Variants in NELL1 observed in about 807,000 individuals in gnomAD.
The protein encoded by NELL1 is protein kinase C-binding protein NELL1.
Under a neutral mutation model 107.4 loss-of-function variants are expected in NELL1, and 76 were observed. The ratio of observed to expected loss-of-function variants is 0.71; its 90% CI spans 0.59 to 0.86. The LOEUF is 0.86. Among genes scored for constraint, NELL1 ranks in the 40% least tolerant of loss-of-function variants. The pLI, the probability that NELL1 is intolerant of heterozygous loss-of-function variation, is 0.00. For missense variants in NELL1, 1,024 were observed against 1,005.5 expected (o/e 1.02, Z -0.25); for synonymous variants, 353 against 341.2 (o/e 1.03, Z -0.38).
intron 2 of NELL1, among the ~76,000 whole-genome samples, chr11:20,709,298 T>C (rs1715280): frequency 0.4 from 60,326 of 151,804 alleles, 13,926 homozygotes; most frequent in African/African-American, 0.64. Flanking sequence ...AATAGGGTAT[T>C]CTTTCCCTAC....
chr11:21,235,200 G>A (rs938823729), intron 14 of NELL1, among the ~76,000 whole-genome samples: 5 of 152,204 alleles, frequency 3.3e-5, no homozygotes, highest in African/African-American at 1.2e-4. Context: ...TGAGGGGCAA[G>A]ACTGTCTGAT....
At chr11:21,144,543 C>G (rs1296086452) in intron 13 of NELL1, among the ~76,000 whole-genome samples, 1 of 152,116 alleles carries the variant, frequency 6.6e-6, no homozygotes, top group East Asian at 1.9e-4. Context: ...TTAGCAGGAG[C>G]ACCCTATCTT....
intron 12 of NELL1, among the ~76,000 whole-genome samples, chr11:21,077,379 G>A (rs1040699809): frequency 1.3e-5 from 2 of 152,116 alleles, no homozygotes; most frequent in African/African-American, 4.8e-5. Context: ...GCCATAAAAA[G>A]TCAATAATCT....
At chr11:21,118,705 A>G (rs1357541480) in intron 13 of NELL1, among the ~76,000 whole-genome samples, 2 of 152,040 alleles carry the variant, frequency 1.3e-5, no homozygotes, top group Non-Finnish European at 2.9e-5. Flanking sequence ...CTTATTTCCA[A>G]AGACCATTCT....
At chr11:21,090,530 T>C (rs936595176) in intron 12 of NELL1, among the ~76,000 whole-genome samples, 2 of 152,164 alleles carry the variant, frequency 1.3e-5, no homozygotes, top group African/African-American at 4.8e-5. Flanking sequence ...TGGGCTCGGC[T>C]CTGTCACTTT....
At chr11:21,180,239 A>G (rs1050542120) in intron 13 of NELL1, among the ~76,000 whole-genome samples, 10 of 151,826 alleles carry the variant, frequency 6.6e-5, no homozygotes, top group African/African-American at 2.4e-4. Context: ...ATCGTCTGGA[A>G]GAAGAACAAA....
chr11:21,533,858 T>C (rs1025720910), intron 15 of NELL1, among the ~76,000 whole-genome samples: 1 of 152,142 alleles, frequency 6.6e-6, no homozygotes, highest in South Asian at 2.1e-4. Context: ...TCGGAAACAG[T>C]GTGTATTATC....
intron 12 of NELL1, among the ~76,000 whole-genome samples, chr11:20,983,319 T>G (rs932836543): frequency 1.3e-5 from 2 of 152,118 alleles, no homozygotes; most frequent in African/African-American, 4.8e-5. Flanking sequence ...ATCCCAGACA[T>G]TGGCCTCTGC....
intron 12 of NELL1, among the ~76,000 whole-genome samples, chr11:20,997,567 C>G (rs1174120304): frequency 6.6e-6 from 1 of 152,190 alleles, no homozygotes; most frequent in Non-Finnish European, 1.5e-5. Context: ...TTTTGACAAA[C>G]TCACCATGGT....
intron 3 of NELL1, among the ~76,000 whole-genome samples, chr11:20,791,937 C>T (rs1472283910): frequency 6.6e-6 from 1 of 151,948 alleles, no homozygotes; most frequent in Non-Finnish European, 1.5e-5. Flanking sequence ...GAAAGCTATA[C>T]CAAACTTGCA....
chr11:21,285,391 A>G (rs1189085587), intron 14 of NELL1, among the ~76,000 whole-genome samples: 1 of 152,206 alleles, frequency 6.6e-6, no homozygotes, highest in African/African-American at 2.4e-5. Flanking sequence ...AGAGGTCGTT[A>G]ATGAGTTAAT....
intron 3 of NELL1, among the ~76,000 whole-genome samples, chr11:20,804,648 C>T (rs976923753): frequency 1.3e-5 from 2 of 152,174 alleles, no homozygotes; most frequent in African/African-American, 4.8e-5. Flanking sequence ...AGAGAAGATA[C>T]TTCATGTTAT....
At chr11:20,973,538 A>C (rs139564989) in intron 12 of NELL1, among the ~76,000 whole-genome samples, 42 of 152,338 alleles carry the variant, frequency 2.8e-4, no homozygotes, top group African/African-American at 9.9e-4. Flanking sequence ...TGAACTGATG[A>C]ATAAATGAAG....
chr11:21,536,093 C>A (rs1314033496), intron 16 of NELL1, among the ~76,000 whole-genome samples: 1 of 152,016 alleles, frequency 6.6e-6, no homozygotes, highest in African/African-American at 2.4e-5. Context: ...GCTAGTTAAG[C>A]CAATTTTATT....
In NELL1 at chr11:21,110,011, C is replaced by T. The variant is rs142062474; in HGVS notation, c.1301-3578C>T. Among the ~76,000 whole-genome samples, 684 of 152,142 alleles carry T rather than the reference C, an allele frequency of 4.5e-3. 4 individuals are homozygous for T. Among genetic ancestry groups the T allele is most frequent in the African/African-American group, 0.016 (652 of 41,520 alleles). On this transcript the variant is annotated intron_variant, in intron 12 of 19. Transcript: ENST00000357134. The stretch of plus-strand genomic sequence containing the variant: ...TTGCCAATTTCTTTCTTTCTTTTAT[C>T]TTCTTGTTTCAAGAGAATCAGCTGG...
At chr11:21,087,217 A>G (rs1372372312) in intron 12 of NELL1, among the ~76,000 whole-genome samples, 1 of 152,142 alleles carries the variant, frequency 6.6e-6, no homozygotes, top group African/African-American at 2.4e-5. Context: ...CTTTTATTTC[A>G]TTGTCAAGAG....
chr11:21,558,869 T>C (rs1206050162), intron 16 of NELL1, among the ~76,000 whole-genome samples: 1 of 151,920 alleles, frequency 6.6e-6, no homozygotes, highest in African/African-American at 2.4e-5. Flanking sequence ...ATTGAAGAGA[T>C]AAGAGAGGCT....
intron 15 of NELL1, among the ~76,000 whole-genome samples, chr11:21,505,853 T>TA: frequency 6.6e-6 from 1 of 152,318 alleles, no homozygotes; most frequent in African/African-American, 2.4e-5. Flanking sequence ...AGGCCCATGC[T>TA]TTTTCTTCAT....
chr11:20,904,075 C>A lies in NELL1; in HGVS notation c.604-14107C>A, dbSNP rs1044240990. On this transcript the variant is annotated intron_variant, in intron 5 of 19. Coordinates refer to ENST00000357134, the MANE Select transcript of NELL1 (RefSeq NM_006157.5). ...GCATATCTATTCTAACTATCTGGGA[C>A]TATGTGAAGAACTGATAAAAGGTAC... 3.9e-5 allele frequency among the ~76,000 whole-genome samples: 6 copies of A among 152,080 alleles called. No individual in the cohort carries two copies. The South Asian group carries it at 1.2e-3, about 31-fold the overall frequency.
Sources: gnomAD v4.1 joint callset for allele counts (sites outside exome capture counted in the v4.1 genomes callset) on GRCh38, gnomAD v4.1.1 for gene constraint, MANE v1.5 for transcripts, NCBI Gene and HGNC (gene_info 2026-07-23, HGNC 2026-07-21) for gene names.